Variants in TNKS observed in about 807,000 individuals in gnomAD.
TNKS encodes poly [ADP-ribose] polymerase tankyrase-1.
In TNKS, 72 loss-of-function variants were observed where a neutral mutation model predicts 135.8. The observed-to-expected ratio is 0.53, with a 90% CI of 0.44 to 0.64. TNKS has a LOEUF of 0.64. Ranked by LOEUF, TNKS falls within the 30% of genes least tolerant of loss-of-function variation. The pLI is 0.00. For synonymous variants in TNKS, 849 were observed against 649.3 expected (o/e 1.31, Z -4.68); for missense variants, 1,769 against 1,674.0 (o/e 1.06, Z -0.99).
intron 3 of TNKS, among the ~76,000 whole-genome samples, chr8:9,672,381 T>C (rs1247890662): frequency 6.6e-6 from 1 of 152,098 alleles, no homozygotes; most frequent in Non-Finnish European, 1.5e-5. Flanking sequence ...ACTGGGGCTG[T>C]ACTATGTAAC....
chr8:9,742,578 C>G (rs539129160), intron 17 of TNKS, among the ~76,000 whole-genome samples: 3 of 151,596 alleles, frequency 2.0e-5, no homozygotes, highest in Non-Finnish European at 2.9e-5. Flanking sequence ...TAAAGTAAGG[C>G]TAGGCATGGT....
intron 26 of TNKS, among the ~76,000 whole-genome samples, chr8:9,773,817 A>G (rs1156305341): frequency 1.3e-5 from 2 of 152,156 alleles, no homozygotes; most frequent in African/African-American, 2.4e-5. Context: ...ATACTTGTAC[A>G]CATGGATCGT....
intron 26 of TNKS, 126 bp downstream of exon 26, chr8:9,770,388 T>G: frequency 9.8e-7 from 1 of 1,020,254 alleles, no homozygotes; most frequent in African/African-American, 1.6e-5. Context: ...ATTAATTACT[T>G]CAGATACAAA....
rs151038216 is a variant in TNKS at position 9,611,485 on chromosome 8, G to A, written c.899-4097G>A. Among the ~76,000 whole-genome samples the A allele has an allele frequency of 3.2e-3, 485 of 152,264 alleles. 2 individuals are homozygous for A. The highest frequency in any genetic ancestry group is 0.011 in the African/African-American group (453 of 41,552). ...TTTCAGAAAAATCTGTTTTATATTA[G>A]TGTGCTATCAATGCGTATTGATTTT... On this transcript the variant is annotated intron_variant, in intron 2 of 26. Coordinates refer to ENST00000310430, the MANE Select transcript of TNKS (RefSeq NM_003747.3).
At position 9,706,791 on chromosome 8, in the gene TNKS, T is replaced by C. The variant is rs185651679; in HGVS notation, c.1270-20T>C. On this transcript the variant is annotated intron_variant, in intron 7 of 26. Transcript: ENST00000310430. ...CAGCAAAATGATTACTGACCTAAAA[T>C]GTTTTTTTTCTCAATTCAGCATGGA... 1.9e-6 allele frequency: 3 copies of C among 1,582,960 alleles called. No individual in the cohort carries two copies. Among genetic ancestry groups the C allele is most frequent in the Middle Eastern group, 1.7e-4 (1 of 5,976 alleles).
intron 5 of TNKS, among the ~76,000 whole-genome samples, chr8:9,699,773 C>G (rs1803708484): frequency 6.6e-6 from 1 of 152,032 alleles, no homozygotes; most frequent in African/African-American, 2.4e-5. Flanking sequence ...ATAGAGTTTG[C>G]TCTCTCTCTT....
intron 3 of TNKS, among the ~76,000 whole-genome samples, chr8:9,628,018 C>A (rs1476867851): frequency 6.6e-6 from 1 of 152,178 alleles, no homozygotes; most frequent in African/African-American, 2.4e-5. Context: ...CTTTCTAAGG[C>A]CACCTCTCGT....
chr8:9,565,323 T>G (rs536570042), intron 1 of TNKS, among the ~76,000 whole-genome samples: 1 of 152,294 alleles, frequency 6.6e-6, no homozygotes, highest in African/African-American at 2.4e-5. Context: ...TAACGTGATG[T>G]AAAATTTTTT....
chr8:9,654,021 C>T (rs867967048), intron 3 of TNKS, among the ~76,000 whole-genome samples: 4 of 152,184 alleles, frequency 2.6e-5, no homozygotes, highest in African/African-American at 4.8e-5. Flanking sequence ...GACCACAGCC[C>T]TTTAGCTGCA....
intron 3 of TNKS, among the ~76,000 whole-genome samples, chr8:9,655,728 CA>C (rs2128783792): frequency 6.6e-6 from 1 of 152,056 alleles, no homozygotes; most frequent in East Asian, 1.9e-4. Context: ...ACATCCACAC[CA>C]AAAACCCATC....
chr8:9,634,943 T>C (rs4455833), intron 3 of TNKS, among the ~76,000 whole-genome samples: 33,797 of 152,004 alleles, frequency 0.22, 4,041 homozygotes, highest in East Asian at 0.32. Context: ...TTTGGGAGGC[T>C]GAGGCTGGTG....
At chr8:9,676,680 C>CTT (rs1802552375) in intron 3 of TNKS, among the ~76,000 whole-genome samples, 1 of 94,388 alleles carries the variant, frequency 1.1e-5, no homozygotes, top group African/African-American at 4.5e-5. Context: ...CTCCCTCTCT[C>CTT]TCTCTCTGTG....
At chr8:9,654,926 C>T (rs929457749) in intron 3 of TNKS, among the ~76,000 whole-genome samples, 54 of 152,162 alleles carry the variant, frequency 3.5e-4, no homozygotes, top group African/African-American at 1.3e-3. Flanking sequence ...ACGCACCATG[C>T]GTGAGCCGAA....
At chr8:9,565,389 T>G (rs1203635279) in intron 1 of TNKS, among the ~76,000 whole-genome samples, 2 of 152,224 alleles carry the variant, frequency 1.3e-5, no homozygotes. Flanking sequence ...AGGTGGCAGA[T>G]GTTTGGACTT....
chr8:9,626,288 T>TC (rs1800050665), intron 3 of TNKS, among the ~76,000 whole-genome samples: 1 of 152,208 alleles, frequency 6.6e-6, no homozygotes, highest in Non-Finnish European at 1.5e-5. Flanking sequence ...CCAATATCAT[T>TC]ATATTTGAAC....
At chr8:9,765,144 C>T (rs1010285047) in intron 23 of TNKS, among the ~76,000 whole-genome samples, 3 of 152,148 alleles carry the variant, frequency 2.0e-5, no homozygotes, top group African/African-American at 7.2e-5. Flanking sequence ...CCTGGATCTT[C>T]AATCTAATTG....
chr8:9,755,457 T>C (rs567838134), intron 20 of TNKS, among the ~76,000 whole-genome samples: 1 of 152,370 alleles, frequency 6.6e-6, no homozygotes, highest in East Asian at 1.9e-4. Flanking sequence ...CAGGTGATAC[T>C]ACCTTTCTTT....
chr8:9,694,111 C>A (rs10102526), intron 5 of TNKS, among the ~76,000 whole-genome samples: 3,214 of 152,268 alleles, frequency 0.021, 116 homozygotes, highest in African/African-American at 0.073. Flanking sequence ...TGATTTTATT[C>A]TTCCTTAGGA....
intron 12 of TNKS, among the ~76,000 whole-genome samples, chr8:9,726,124 C>T (rs1805147927): frequency 6.6e-6 from 1 of 152,182 alleles, no homozygotes; most frequent in Non-Finnish European, 1.5e-5. Context: ...GGCGCAGTGG[C>T]TCACATCTGT....
Sources: allele counts gnomAD v4.1 joint callset (sites outside exome capture counted in the v4.1 genomes callset), GRCh38; gene constraint gnomAD v4.1.1; transcripts MANE v1.5; gene names NCBI Gene and HGNC (gene_info 2026-07-23, HGNC 2026-07-21).